Variants in PCLO observed in about 807,000 individuals in gnomAD.
PCLO encodes the protein protein piccolo.
PCLO carries 82 observed loss-of-function variants against 427.5 expected under a neutral mutation model. That is an observed-to-expected ratio of 0.19 (90% CI 0.16 to 0.23). The LOEUF is 0.23. Ranked by LOEUF, PCLO falls within the 10% of genes least tolerant of loss-of-function variation. PCLO has a pLI of 1.00. For missense variants in PCLO, 6,239 were observed against 6,115.9 expected (o/e 1.02, Z -0.67); for synonymous variants, 2,357 against 2,155.4 (o/e 1.09, Z -2.59).
chr7:82,905,002 C>A (rs751949806), intron 8 of PCLO, among the ~76,000 whole-genome samples: 1 of 152,020 alleles, frequency 6.6e-6, no homozygotes, highest in Non-Finnish European at 1.5e-5. Context: ...TGAATCTCAG[C>A]TTTTTAGTAA....
In PCLO at chr7:82,822,528, C is replaced by T; in HGVS notation, c.14758G>A (p.Glu4920Lys). The T allele has an allele frequency of 1.2e-6, 2 of 1,613,844 alleles. No homozygotes were observed. Among genetic ancestry groups the T allele is most frequent in the Non-Finnish European group, 1.7e-6 (2 of 1,179,848 alleles). Reference protein sequence around the residue: ...EDAGAAIAAAEAAVQQLRIQP... With the variant: ...EDAGAAIAAAKAAVQQLRIQP... ...ATGCGGAGTTGTTGCACGGCAGCTTCGGCAGCAGCTATGGCAGCCCCTGCA... is the reference window on the plus strand; with the variant it reads ...ATGCGGAGTTGTTGCACGGCAGCTTTGGCAGCAGCTATGGCAGCCCCTGCA... The change falls in exon 20 of 25, where the codon GAA becomes AAA. Residue 4920 changes from glutamate (E) to lysine (K), a missense_variant. By Grantham distance (56) the Glu-to-Lys change is moderately conservative. This residue lies in a region of PCLO where 877 missense variants were observed against 925.5 expected (regional missense o/e 0.95). Transcript: ENST00000333891.
At chr7:83,118,616 G>A (rs1239250361) in intron 3 of PCLO, among the ~76,000 whole-genome samples, 1 of 152,084 alleles carries the variant, frequency 6.6e-6, no homozygotes, top group Non-Finnish European at 1.5e-5. Context: ...ACACAACAGA[G>A]GGCATAATTT....
At chr7:82,866,196 C>A (rs1267983937) in intron 10 of PCLO, among the ~76,000 whole-genome samples, 1 of 152,114 alleles carries the variant, frequency 6.6e-6, no homozygotes, top group Non-Finnish European at 1.5e-5. Context: ...GGTGGCTTTA[C>A]TGAATTTTTG....
rs759008624 is a variant in PCLO at position 83,134,557 on chromosome 7, T to C, written c.2993A>G (p.Lys998Arg). 1.2e-6 allele frequency: 2 copies of C among 1,613,898 alleles called. No individual in the cohort carries two copies. Among genetic ancestry groups the C allele is most frequent in the African/African-American group, 2.7e-5 (2 of 75,024 alleles). ...TTCAGCTGCTGGGGCTTTTGTTTCC[T>C]TTTTCACAGGTATACTTTTTGCAGG... The part of the protein sequence containing the change: ...PAPAKSIPVK[K>R]ETKAPAAEKL... The change falls in exon 3 of 25, where the codon AAG (lysine) becomes AGG (arginine). Residue 998 changes from lysine to arginine, a missense_variant. By Grantham distance (26) the Lys-to-Arg change is conservative. Coordinates refer to ENST00000333891, the MANE Select transcript of PCLO (RefSeq NM_033026.6).
chr7:83,073,337 A>G (rs1224288114), intron 3 of PCLO, among the ~76,000 whole-genome samples: 1 of 152,076 alleles, frequency 6.6e-6, no homozygotes, highest in Admixed American at 6.5e-5. Flanking sequence ...CTAGCTTATG[A>G]ATCATTCTCA....
chr7:83,080,651 A>G (rs535802937), intron 3 of PCLO, among the ~76,000 whole-genome samples: 16 of 152,244 alleles, frequency 1.1e-4, no homozygotes, highest in Non-Finnish European at 2.2e-4. Context: ...CTTTTATGCC[A>G]GTTTTACCTT....
At chr7:82,882,290 C>T (rs939643116) in intron 9 of PCLO, among the ~76,000 whole-genome samples, 4 of 152,070 alleles carry the variant, frequency 2.6e-5, no homozygotes, top group Non-Finnish European at 4.4e-5. Context: ...CAAGAAGCAA[C>T]ATTAATTTTG....
chr7:82,780,454 T>C (rs1790848530), intron 22 of PCLO, among the ~76,000 whole-genome samples: 1 of 152,206 alleles, frequency 6.6e-6, no homozygotes, highest in South Asian at 2.1e-4. Context: ...CACCACTCTC[T>C]CCCAAGATGC....
intron 3 of PCLO, among the ~76,000 whole-genome samples, chr7:82,990,220 T>C: frequency 6.6e-6 from 1 of 152,070 alleles, no homozygotes; most frequent in East Asian, 1.9e-4. Flanking sequence ...TAGCAGAGTT[T>C]TACATATCCA....
At chr7:82,985,020 A>T (rs1796227941) in intron 3 of PCLO, among the ~76,000 whole-genome samples, 1 of 151,988 alleles carries the variant, frequency 6.6e-6, no homozygotes, top group Non-Finnish European at 1.5e-5. Flanking sequence ...TTTCCCAATC[A>T]TTCCTAAACT....
intron 9 of PCLO, among the ~76,000 whole-genome samples, chr7:82,899,993 G>A (rs890750004): frequency 7.3e-5 from 11 of 151,564 alleles, no homozygotes; most frequent in African/African-American, 2.7e-4. Flanking sequence ...TTTGCTTTAT[G>A]AGCTGGAGGA....
Position 82,916,826 on chromosome 7 carries a change from A to G in PCLO, c.11160T>C (p.Val3720=). 1 of 1,613,458 alleles carries G rather than the reference A, an allele frequency of 6.2e-7. No individual in the cohort carries two copies. Among genetic ancestry groups the G allele is most frequent in the Admixed American group, 1.7e-5 (1 of 59,974 alleles). ...TMTSSGAQKK[V]KRTLPNPPPE... is the part of the protein sequence containing the mutation. ...GAGGTGGATTTGGCAGAGTTCTTTT[A>G]ACTTTTTTCTGGGCTCCAGAGGATG... The change falls in exon 7 of 25, where the codon GTT becomes GTC. Residue 3720 remains valine, a synonymous_variant. Coordinates refer to ENST00000333891, the MANE Select transcript of PCLO (RefSeq NM_033026.6).
chr7:83,025,993 CA>C (rs1287519382), intron 3 of PCLO, among the ~76,000 whole-genome samples: 1 of 151,972 alleles, frequency 6.6e-6, no homozygotes, highest in Non-Finnish European at 1.5e-5. Context: ...CCAGCCGCGG[CA>C]AAATCATGCC....
Position 83,070,978 on chromosome 7 carries a change from G to A in PCLO, c.3300+63272C>T, listed in dbSNP as rs750552759. On this transcript the variant is annotated intron_variant, in intron 3 of 24. Coordinates refer to ENST00000333891, the MANE Select transcript of PCLO (RefSeq NM_033026.6). ...GACAAATGTAAGTATCATTATTGCT[G>A]ATATTTATGTTTTAATTTAATTTTC... Among the ~76,000 whole-genome samples, 10 of 151,444 alleles carry A rather than the reference G, an allele frequency of 6.6e-5. No homozygotes were observed. The East Asian group carries it at 1.2e-3, about 18-fold the overall frequency.
chr7:83,069,585 T>C (rs1482065512), intron 3 of PCLO, among the ~76,000 whole-genome samples: 6 of 152,168 alleles, frequency 3.9e-5, no homozygotes, highest in Non-Finnish European at 8.8e-5. Context: ...ACACACGTAT[T>C]CTAAAACAGG....
chr7:82,835,477 C>T (rs1792210767), intron 16 of PCLO, among the ~76,000 whole-genome samples, 190 bp downstream of exon 16: 1 of 152,028 alleles, frequency 6.6e-6, no homozygotes, highest in Admixed American at 6.6e-5. Context: ...TTCTATTGCA[C>T]ACATCTGCTA....
chr7:82,764,973 CT>C (rs1359940547), intron 22 of PCLO, among the ~76,000 whole-genome samples: 1 of 151,690 alleles, frequency 6.6e-6, no homozygotes, highest in Non-Finnish European at 1.5e-5. Context: ...ATGAATATAC[CT>C]TTTTCTTAAT....
intron 16 of PCLO, among the ~76,000 whole-genome samples, chr7:82,829,606 A>G (rs1420594478): frequency 1.3e-5 from 2 of 152,158 alleles, no homozygotes; most frequent in Non-Finnish European, 2.9e-5. Context: ...ATATACAGAC[A>G]ATGATTTAAA....
At chr7:82,901,151 T>C (rs184329274) in intron 9 of PCLO, among the ~76,000 whole-genome samples, 85 of 152,016 alleles carry the variant, frequency 5.6e-4, no homozygotes, top group Admixed American at 1.3e-3. Context: ...ATGAAAAGAA[T>C]GATGCAAGTA....
Sources: gnomAD v4.1 joint callset for allele counts (sites outside exome capture counted in the v4.1 genomes callset) on GRCh38, gnomAD v4.1.1 for gene constraint, gnomAD v4.1.1 regional missense constraint, MANE v1.5 for transcripts, NCBI Gene and HGNC (gene_info 2026-07-23, HGNC 2026-07-21) for gene names.